The following GMPS variants were observed in gnomAD, a reference collection of about 807,000 sequenced individuals.
GMPS encodes the protein guanosine monophosphate synthase, also known as GMP synthase [glutamine-hydrolyzing].
Under a neutral mutation model 77.9 loss-of-function variants are expected in GMPS, and 15 were observed. The ratio of observed to expected loss-of-function variants is 0.19; its 90% CI spans 0.13 to 0.30. GMPS has a LOEUF of 0.30. GMPS is among the 10% of genes least tolerant of loss of function. GMPS has a pLI of 1.00. For synonymous variants in GMPS, 224 were observed against 275.9 expected (o/e 0.81, Z 1.86); for missense variants, 590 against 838.8 (o/e 0.70, Z 3.66).
intron 12 of GMPS, among the ~76,000 whole-genome samples, chr3:155,927,033 A>T (rs1177086092): frequency 6.6e-6 from 1 of 151,824 alleles, no homozygotes; most frequent in Admixed American, 6.6e-5. Context: ...AAAAAAATTG[A>T]TTGTTATTTT....
intron 1 of GMPS, among the ~76,000 whole-genome samples, chr3:155,876,011 T>C (rs1281898105): frequency 6.6e-6 from 1 of 152,096 alleles, no homozygotes; most frequent in Non-Finnish European, 1.5e-5. Context: ...TGCTGCAAAA[T>C]AAAATATTAC....
chr3:155,941,027 T>A lies in GMPS; in HGVS notation c.*3335T>A, dbSNP rs1755874985. 5.1e-6 allele frequency: 1 copy of A among 196,622 alleles called. No individual in the cohort carries two copies. The highest frequency in any genetic ancestry group is 2.3e-5 in the African/African-American group (1 of 43,304). 12.2% of individuals were successfully genotyped at this position (196,622 alleles called of 1,614,324 possible). A position where few individuals can be genotyped will look rare whatever the true frequency, so the allele number is the denominator to read the frequency against. On this transcript the variant is annotated 3_prime_UTR_variant, in exon 16 of 16. Transcript: ENST00000496455. The stretch of plus-strand genomic sequence containing the variant: ...ATCATCAATTACATACAGCTAATTG[T>A]TGGGAGCTAGAGCTAGAATCCAAGC...
intron 3 of GMPS, among the ~76,000 whole-genome samples, chr3:155,902,959 A>G (rs1035047179): frequency 3.3e-5 from 5 of 152,202 alleles, no homozygotes; most frequent in Non-Finnish European, 5.9e-5. Context: ...GTTTACTGTG[A>G]ATGCCTAAGA....
intron 14 of GMPS, among the ~76,000 whole-genome samples, chr3:155,935,602 CTGAGTT>C (rs1203413879): frequency 1.3e-5 from 2 of 152,232 alleles, no homozygotes; most frequent in African/African-American, 4.8e-5. Context: ...ATGTTCCCAG[CTGAGTT>C]TGAACAAGGT....
chr3:155,874,037 C>T (rs1371994592), intron 1 of GMPS, among the ~76,000 whole-genome samples: 1 of 152,196 alleles, frequency 6.6e-6, no homozygotes, highest in Non-Finnish European at 1.5e-5. Flanking sequence ...TCACCCGCTT[C>T]CTACCCTTTC....
chr3:155,896,385 T>C (rs1173090779), intron 2 of GMPS, among the ~76,000 whole-genome samples: 2 of 152,200 alleles, frequency 1.3e-5, no homozygotes. Context: ...AGAATTGTTA[T>C]CTTAAATATC....
intron 1 of GMPS, among the ~76,000 whole-genome samples, chr3:155,892,742 C>T (rs1245486270): frequency 2.0e-5 from 3 of 152,202 alleles, no homozygotes; most frequent in East Asian, 1.9e-4. Context: ...AGCGATTCTC[C>T]TGCCTCAGCC....
intron 14 of GMPS, 51 bp from the exon 15 acceptor site, chr3:155,936,287 A>C: frequency 8.8e-7 from 1 of 1,136,370 alleles, no homozygotes; most frequent in Non-Finnish European, 1.3e-6. Context: ...GAACTGAGTT[A>C]GAGTGCTTTT....
chr3:155,887,849 G>C (rs1220413955), intron 1 of GMPS, among the ~76,000 whole-genome samples: 1 of 152,110 alleles, frequency 6.6e-6, no homozygotes, highest in African/African-American at 2.4e-5. Context: ...AAATGTTACT[G>C]ATCATTGATA....
At chr3:155,871,319 G>A (rs1407223309) in intron 1 of GMPS, among the ~76,000 whole-genome samples, 3 of 151,962 alleles carry the variant, frequency 2.0e-5, no homozygotes, top group Admixed American at 2.0e-4. Context: ...CCGTTGTGGC[G>A]ATCCCGGGGC....
chr3:155,904,873 C>G (rs1315642090), intron 4 of GMPS, among the ~76,000 whole-genome samples: 1 of 152,120 alleles, frequency 6.6e-6, no homozygotes, highest in Non-Finnish European at 1.5e-5. Context: ...TTCTGGGACT[C>G]TATCACAACC....
At chr3:155,915,821 C>T (rs950376114) in intron 8 of GMPS, among the ~76,000 whole-genome samples, 198 bp from the exon 9 acceptor site, 7 of 152,208 alleles carry the variant, frequency 4.6e-5, no homozygotes, top group Admixed American at 2.0e-4. Context: ...CAGGCGTGAG[C>T]CACTGTGTTT....
chr3:155,896,609 T>C (rs775125438), intron 2 of GMPS, among the ~76,000 whole-genome samples: 25 of 151,756 alleles, frequency 1.6e-4, no homozygotes, highest in Admixed American at 8.5e-4. Context: ...TTTGTAGACA[T>C]GGGGTTTTGC....
At chr3:155,892,687 A>G (rs1754500632) in intron 1 of GMPS, among the ~76,000 whole-genome samples, 2 of 152,344 alleles carry the variant, frequency 1.3e-5, no homozygotes, top group Admixed American at 6.5e-5. Flanking sequence ...GCTGGAGTGC[A>G]ATGGCATGAT....
Position 155,870,854 on chromosome 3 carries a change from C to A in GMPS, c.-17C>A. ...CGTACTGTCGCCGTCACCGCCGCGG[C>A]TCCGGCCCTGGCCCCGATGGCTCTG... is the stretch of plus-strand genomic sequence containing the variant. On this transcript the variant is annotated 5_prime_UTR_variant, in exon 1 of 16. Transcript: ENST00000496455. 1.3e-6 allele frequency: 2 copies of A among 1,497,348 alleles called. No homozygotes were observed. The highest frequency in any genetic ancestry group is 1.7e-4 in the Middle Eastern group (1 of 5,866). 92.8% of individuals were successfully genotyped at this position (1,497,348 alleles called of 1,614,324 possible). A position where few individuals can be genotyped will look rare whatever the true frequency, so the allele number is the denominator to read the frequency against.
At chr3:155,893,817 G>A in intron 2 of GMPS, 118 bp downstream of exon 2, 1 of 584,506 alleles carries the variant, frequency 1.7e-6, no homozygotes, top group Non-Finnish European at 2.8e-6. Flanking sequence ...ATGGTTTTAT[G>A]AGAAATTTCC....
At chr3:155,878,405 T>C (rs1391029139) in intron 1 of GMPS, among the ~76,000 whole-genome samples, 1 of 152,230 alleles carries the variant, frequency 6.6e-6, no homozygotes, top group East Asian at 1.9e-4. Flanking sequence ...CACTTATCAG[T>C]TGATGAACAT....
In GMPS at chr3:155,937,594, G is replaced by T. The variant is rs1173152522; in HGVS notation, c.1984G>T (p.Val662Leu). ...TPGNEIPVEVVLKMVTEIKKI... is the reference protein window; with the variant it reads ...TPGNEIPVEVLLKMVTEIKKI... Reference sequence around the variant, plus strand: ...TCTCTATAATTTTTTTTAATAGGTGGTATTAAAGATGGTCACTGAGATTAA... The same window carrying T: ...TCTCTATAATTTTTTTTAATAGGTGTTATTAAAGATGGTCACTGAGATTAA... Residue 662 changes from valine to leucine, a missense_variant, in exon 16 of 16, where the codon GTA (valine) becomes TTA (leucine). This residue lies in a region of GMPS where 73 missense variants were observed against 170.5 expected (regional missense o/e 0.43). Coordinates refer to ENST00000496455, the MANE Select transcript of GMPS (RefSeq NM_003875.3). 7.4e-7 allele frequency: 1 copy of T among 1,351,850 alleles called. No homozygotes were observed. The highest frequency in any genetic ancestry group is 1.1e-6 in the Non-Finnish European group (1 of 942,962). 83.7% of individuals were successfully genotyped at this position (1,351,850 alleles called of 1,614,324 possible). A position where few individuals can be genotyped will look rare whatever the true frequency, so the allele number is the denominator to read the frequency against.
At chr3:155,892,611 A>G (rs568229645) in intron 1 of GMPS, among the ~76,000 whole-genome samples, 96 of 152,334 alleles carry the variant, frequency 6.3e-4, no homozygotes, top group African/African-American at 2.2e-3. Context: ...CCTGACAGCA[A>G]TCAGATTTAA....
Sources: allele counts gnomAD v4.1 joint callset (sites outside exome capture counted in the v4.1 genomes callset), GRCh38; gene constraint gnomAD v4.1.1; regional missense constraint gnomAD v4.1.1; transcripts MANE v1.5; gene names NCBI Gene and HGNC (gene_info 2026-07-23, HGNC 2026-07-21).